Variants in MAFK observed in about 807,000 individuals in gnomAD.
The protein encoded by MAFK is transcription factor MafK.
A neutral mutation model predicts 9.2 loss-of-function variants in MAFK; 1 was observed. That is an observed-to-expected ratio of 0.11 (90% CI 0.04 to 0.52). The LOEUF is 0.52. MAFK is among the 20% of genes least tolerant of loss of function. The pLI, the probability that MAFK is intolerant of heterozygous loss-of-function variation, is 0.94. For missense variants in MAFK, 207 were observed against 236.0 expected, an observed-to-expected ratio of 0.88 and a Z score of 0.81; for synonymous variants, 110 against 107.4, an observed-to-expected ratio of 1.02 and a Z score of -0.15.
chr7:1,540,807 TCCTGCCACGG>T lies in MAFK; in HGVS notation c.*436_*445del, dbSNP rs1784164434. 1 of 171,330 alleles carries T rather than the reference TCCTGCCACGG, an allele frequency of 5.8e-6. No individual in the cohort carries two copies. 10.6% of individuals were successfully genotyped at this position (171,330 alleles called of 1,614,324 possible). On this transcript the variant is annotated 3_prime_UTR_variant, in exon 3 of 3. Transcript: ENST00000343242. ...TGCTGTAAGCAGCCTTCGACACCTG[TCCTGCCACGG>T]CCTCCCAGCCGGTGCGGGAGCCCCT...
At chr7:1,538,605 C>A in intron 1 of MAFK, 1 of 238,464 alleles carries the variant, frequency 4.2e-6, no homozygotes, top group Non-Finnish European at 6.8e-6. Flanking sequence ...GGAGCCTTTG[C>A]CAGTGTAGGG....
rs946745282 is a variant in MAFK at position 1,532,345 on chromosome 7, C to T, written c.-45+1447C>T. 6.6e-6 allele frequency among the ~76,000 whole-genome samples: 1 copy of T among 152,328 alleles called. No individual in the cohort carries two copies. The highest frequency in any genetic ancestry group is 1.9e-4 in the East Asian group (1 of 5,188). Reference sequence around the variant, plus strand: ...GGGACACACCTACACCCTATTTGGGCGTCCAGTGCCATTTATGAGAACATC... The same window carrying T: ...GGGACACACCTACACCCTATTTGGGTGTCCAGTGCCATTTATGAGAACATC... On this transcript the variant is annotated intron_variant, in intron 1 of 2. Transcript: ENST00000343242. This position sits in a 1 kb window ranked among gnomAD's most constrained non-coding sequence, Gnocchi z 4.5.
rs763611457 is a variant in MAFK at position 1,540,631 on chromosome 7, G to A, written c.*256G>A. ...CTCCCCGCAGGATGTGTCTGTGTGT[G>A]GGAATTGGTATCTTGCACCCGTGGG... On this transcript the variant is annotated 3_prime_UTR_variant, in exon 3 of 3. Transcript: ENST00000343242. 2.0e-6 allele frequency: 1 copy of A among 503,528 alleles called. No individual in the cohort carries two copies. The highest frequency in any genetic ancestry group is 3.5e-6 in the Non-Finnish European group (1 of 285,404). 31.2% of individuals were successfully genotyped at this position (503,528 alleles called of 1,614,324 possible). A position where few individuals can be genotyped will look rare whatever the true frequency, so the allele number is the denominator to read the frequency against.
rs1440070736 is a variant in MAFK at position 1,540,324 on chromosome 7, C to T, written c.420C>T (p.Val140=). 1.9e-6 allele frequency: 3 copies of T among 1,604,038 alleles called. No homozygotes were observed. Among genetic ancestry groups the T allele is most frequent in the Non-Finnish European group, 2.6e-6 (3 of 1,174,402 alleles). The part of the protein sequence containing the change: ...KVATTSVITI[V]KSTELSSTSV... ...CCACCACCAGCGTCATCACCATCGT[C>T]AAGTCCACCGAGCTCTCCTCCACCT... The change falls in exon 3 of 3, where the codon GTC becomes GTT. Residue 140 remains valine (V), a synonymous_variant. Transcript: ENST00000343242.
rs1054905417 is a variant in MAFK, at chr7:1,534,773, G to A, written c.-45+3875G>A. ...GCCTCGTAGAGCGAGCGGCAGCCCC[G>A]ATGCGTCCTCTCATCTGGGAAGAAT... On this transcript the variant is annotated intron_variant, in intron 1 of 2. Coordinates refer to ENST00000343242, the MANE Select transcript of MAFK (RefSeq NM_002360.4). The surrounding 1 kb of genome is among the most constrained non-coding windows in gnomAD (Gnocchi z 4.3). 19 of 385,878 alleles carry A rather than the reference G, an allele frequency of 4.9e-5. No homozygotes were observed. Among genetic ancestry groups the A allele is most frequent in the South Asian group, 7.3e-5 (4 of 54,846 alleles). 23.9% of individuals were successfully genotyped at this position (385,878 alleles called of 1,614,324 possible).
intron 1 of MAFK, among the ~76,000 whole-genome samples, chr7:1,535,766 C>T (rs969406954): frequency 3.3e-5 from 5 of 152,204 alleles, no homozygotes; most frequent in African/African-American, 4.8e-5. Flanking sequence ...CCTGCCCTGC[C>T]GGGGGGAGCC....
At chr7:1,537,758 G>T (rs1784069666) in intron 1 of MAFK, 1 of 951,164 alleles carries the variant, frequency 1.1e-6, no homozygotes, top group Non-Finnish European at 1.3e-6. Flanking sequence ...CCCATCGGAG[G>T]CAGGGCTGGA....
rs942642757 is a variant in MAFK, at chr7:1,542,495, G to C, written c.*2120G>C. 6.6e-6 allele frequency: 1 copy of C among 152,338 alleles called. No individual in the cohort carries two copies. The highest frequency in any genetic ancestry group is 1.5e-5 in the Non-Finnish European group (1 of 68,092). The allele number at this position is 152,338 out of a possible 1,614,324, so 9.4% of individuals were successfully genotyped here. A position where few individuals can be genotyped will look rare whatever the true frequency, so the allele number is the denominator to read the frequency against. On this transcript the variant is annotated 3_prime_UTR_variant, in exon 3 of 3. Transcript: ENST00000343242. ...TTGGGGTTCTTGGTGTCCACGTCTTGTGGGCCGTGGGCTTCTACCTGCCCT... is the reference window on the plus strand; with the variant it reads ...TTGGGGTTCTTGGTGTCCACGTCTTCTGGGCCGTGGGCTTCTACCTGCCCT...
At chr7:1,536,741 T>C (rs1417448747) in intron 1 of MAFK, among the ~76,000 whole-genome samples, 1 of 152,242 alleles carries the variant, frequency 6.6e-6, no homozygotes, top group Non-Finnish European at 1.5e-5. Context: ...ATTCTGTGCA[T>C]GGTGGGGAGA....
chr7:1,533,634 A>C (rs1367763700), intron 1 of MAFK, among the ~76,000 whole-genome samples: 1 of 152,104 alleles, frequency 6.6e-6, no homozygotes, highest in African/African-American at 2.4e-5. Flanking sequence ...CCATTTGGCA[A>C]AGCTGTGGTC....
rs143862833 is a variant in MAFK, at chr7:1,537,312, G to T, written c.-44-1837G>T. 734 of 915,772 alleles carry T rather than the reference G, an allele frequency of 8.0e-4. 2 individuals carry two copies. The highest frequency in any genetic ancestry group is 9.4e-4 in the Non-Finnish European group (719 of 766,318). 56.7% of individuals were successfully genotyped at this position (915,772 alleles called of 1,614,324 possible). ...GCCCAGGAGCGGGTCCTTGCTGGGT[G>T]GGAGGCCCGGGTGTGTGGGAATGCG... On this transcript the variant is annotated intron_variant, in intron 1 of 2. Coordinates refer to ENST00000343242, the MANE Select transcript of MAFK (RefSeq NM_002360.4).
rs1282528338 is a variant in MAFK, at chr7:1,532,966, A to G, written c.-45+2068A>G. Among the ~76,000 whole-genome samples, 1 of 152,168 alleles carries G rather than the reference A, an allele frequency of 6.6e-6. No homozygotes were observed. Among genetic ancestry groups the G allele is most frequent in the East Asian group, 1.9e-4 (1 of 5,198 alleles). ...CACCCTCCCTGCTCTCCGCGAATGG[A>G]AGATGCCTTTCCCCGCTATTTATTT... is the stretch of plus-strand genomic sequence containing the variant. On this transcript the variant is annotated intron_variant, in intron 1 of 2. Transcript: ENST00000343242. This position sits in a 1 kb window ranked among gnomAD's most constrained non-coding sequence, Gnocchi z 4.5.
chr7:1,537,947 C>G (rs1172966389), intron 1 of MAFK: 1 of 156,468 alleles, frequency 6.4e-6, no homozygotes, highest in Non-Finnish European at 1.4e-5. Flanking sequence ...GAACCTGTGT[C>G]TGGTATTTGG....
At position 1,530,704 on chromosome 7, in the gene MAFK, C is replaced by T. The variant is rs1327935650; in HGVS notation, c.-239C>T. ...GCGCCGCGGATCCCGGAAGCGGTGT[C>T]AGATGCTGGGGAGCCGGGCGGGCGG... is the stretch of plus-strand genomic sequence containing the variant. On this transcript the variant is annotated 5_prime_UTR_variant, in exon 1 of 3. Transcript: ENST00000343242. 2 of 149,700 alleles carry T rather than the reference C, an allele frequency of 1.3e-5. No homozygotes were observed. The highest frequency in any genetic ancestry group is 2.4e-5 in the African/African-American group (1 of 40,914). 9.3% of individuals were successfully genotyped at this position (149,700 alleles called of 1,614,324 possible).
In MAFK at chr7:1,534,778, G is replaced by A. The variant is rs747271952; in HGVS notation, c.-45+3880G>A. 5 of 381,740 alleles carry A rather than the reference G, an allele frequency of 1.3e-5. No individual in the cohort carries two copies. Among genetic ancestry groups the A allele is most frequent in the South Asian group, 3.7e-5 (2 of 53,984 alleles). 23.6% of individuals were successfully genotyped at this position (381,740 alleles called of 1,614,324 possible). ...GTAGAGCGAGCGGCAGCCCCGATGC[G>A]TCCTCTCATCTGGGAAGAATCAGAG... On this transcript the variant is annotated intron_variant, in intron 1 of 2. Transcript: ENST00000343242. This position sits in a 1 kb window ranked among gnomAD's most constrained non-coding sequence, Gnocchi z 4.3.
At position 1,539,150 on chromosome 7, in the gene MAFK, T is replaced by C. The variant is rs745988583; in HGVS notation, c.-43T>C. ...TCTCTGCTTGTCCATGTTTTCCAGC[T>C]ACGAGTTCCAGGGAGCTCTGTCCTG... On this transcript the variant is annotated splice_region_variant and 5_prime_UTR_variant, in exon 2 of 3. Transcript: ENST00000343242. 2 of 1,612,200 alleles carry C rather than the reference T, an allele frequency of 1.2e-6. No individual in the cohort carries two copies. The highest frequency in any genetic ancestry group is 1.7e-6 in the Non-Finnish European group (2 of 1,179,272).
rs989279339 is a variant in MAFK, at chr7:1,541,925, G to C, written c.*1550G>C. ...CGCCACATAAGACCTGCAAGGTGGT[G>C]CCTGGGGCCCTGGCTCCTTCTCGGC... On this transcript the variant is annotated 3_prime_UTR_variant, in exon 3 of 3. Coordinates refer to ENST00000343242, the MANE Select transcript of MAFK (RefSeq NM_002360.4). 6.6e-6 allele frequency: 1 copy of C among 152,478 alleles called. No individual in the cohort carries two copies. The highest frequency in any genetic ancestry group is 1.5e-5 in the Non-Finnish European group (1 of 68,162). 9.4% of individuals were successfully genotyped at this position (152,478 alleles called of 1,614,324 possible).
chr7:1,538,069 T>G, intron 1 of MAFK: 1 of 171,896 alleles, frequency 5.8e-6, no homozygotes, highest in Non-Finnish European at 1.2e-5. Context: ...GCCGGCCTCG[T>G]GATGTCTGTG....
At chr7:1,536,463 C>T (rs192714985) in intron 1 of MAFK, among the ~76,000 whole-genome samples, 9 of 152,328 alleles carry the variant, frequency 5.9e-5, no homozygotes, top group African/African-American at 4.8e-5. Context: ...ACCCCAGGCA[C>T]GCTTTCCCCC....
Sources: allele counts gnomAD v4.1 joint callset (sites outside exome capture counted in the v4.1 genomes callset), GRCh38; gene constraint gnomAD v4.1.1; non-coding constraint Gnocchi (gnomAD v3.1); transcripts MANE v1.5; gene names NCBI Gene and HGNC (gene_info 2026-07-23, HGNC 2026-07-21).